Variants in TH observed in about 807,000 individuals in gnomAD.
TH encodes tyrosine hydroxylase.
In TH, 49 loss-of-function variants were observed where a neutral mutation model predicts 57.4. That is an observed-to-expected ratio of 0.85 (90% CI 0.68 to 1.08). TH has a LOEUF of 1.08. Ranked by LOEUF, TH falls within the 50% of genes least tolerant of loss-of-function variation. The probability of loss-of-function intolerance (pLI) is 0.00; values close to 1 mark genes in which losing one functional copy is unlikely to be tolerated. For missense variants in TH, 720 were observed against 696.7 expected (o/e 1.03, Z -0.38); for synonymous variants, 330 against 304.5 (o/e 1.08, Z -0.87).
chr11:2,165,913 G>C, intron 10 of TH, 89 bp downstream of exon 10: 1 of 1,505,596 alleles, frequency 6.6e-7, no homozygotes, highest in Non-Finnish European at 9.0e-7. Flanking sequence ...GGTGGAAGGA[G>C]AGGCCTCAGC....
intron 9 of TH, 99 bp downstream of exon 9, chr11:2,166,381 A>G: frequency 7.0e-7 from 1 of 1,434,886 alleles, no homozygotes; most frequent in East Asian, 2.5e-5. Context: ...GCCCGGGAGC[A>G]GGCAGCACAC....
At position 2,164,070 on chromosome 11, in the gene TH, C is replaced by T. The variant is rs1053737957; in HGVS notation, c.*163G>A. On this transcript the variant is annotated 3_prime_UTR_variant, in exon 13 of 13. Transcript: ENST00000352909. Reference sequence around the variant, plus strand: ...ACAGGCAGCACAACCTCACCACGGGCACACACAGCTGTTGCGCTGAGAAGC... The same window carrying T: ...ACAGGCAGCACAACCTCACCACGGGTACACACAGCTGTTGCGCTGAGAAGC... The T allele has an allele frequency of 6.9e-6, 4 of 578,746 alleles. No homozygotes were observed. Among genetic ancestry groups the T allele is most frequent in the African/African-American group, 3.9e-5 (2 of 51,560 alleles). 35.9% of individuals were successfully genotyped at this position (578,746 alleles called of 1,614,324 possible).
intron 5 of TH, 98 bp from the exon 6 acceptor site, chr11:2,167,583 G>A: frequency 2.9e-5 from 41 of 1,393,592 alleles, no homozygotes; most frequent in Non-Finnish European, 4.0e-5. Flanking sequence ...CACCCGCCTA[G>A]TGCAGCGAGG....
At chr11:2,168,238 C>T in intron 3 of TH, 59 bp from the exon 4 acceptor site, 1 of 1,570,114 alleles carries the variant, frequency 6.4e-7, no homozygotes, top group South Asian at 1.1e-5. Flanking sequence ...GCTGTGTCAC[C>T]CACCTTGAAG....
At chr11:2,165,609 C>A in intron 11 of TH, 59 bp downstream of exon 11, 1 of 1,573,632 alleles carries the variant, frequency 6.4e-7, no homozygotes, top group East Asian at 2.3e-5. Context: ...TGTCCCCTCC[C>A]TGCACCGTCC....
At position 2,165,270 on chromosome 11, in the gene TH, G is replaced by A. The variant is rs760210103; in HGVS notation, c.1296C>T (p.Phe432=). 2.6e-5 allele frequency: 42 copies of A among 1,612,898 alleles called. No individual in the cohort carries two copies. Among genetic ancestry groups the A allele is most frequent in the African/African-American group, 4.0e-5 (3 of 75,040 alleles). ...TGGCGTCACTGAAGCTCTCAGACAC[G>A]AAGTAGACTGACTGGTACGTCTGGT... The part of the protein sequence containing the change: ...YQDQTYQSVY[F]VSESFSDAKD... Residue 432 remains phenylalanine (F), a synonymous_variant, in exon 12 of 13, where the codon TTC becomes TTT. Coordinates refer to ENST00000352909, the MANE Select transcript of TH (RefSeq NM_000360.4).
At chr11:2,165,502 G>A (rs915433541) in intron 11 of TH, 137 bp from the exon 12 acceptor site, 12 of 1,422,290 alleles carry the variant, frequency 8.4e-6, no homozygotes, top group Middle Eastern at 2.2e-4. Context: ...CGGAGGCCTG[G>A]GATAATGTGG....
At chr11:2,168,298 G>A in intron 3 of TH, 119 bp from the exon 4 acceptor site, 1 of 1,367,620 alleles carries the variant, frequency 7.3e-7, no homozygotes. Context: ...GGGGCTGTGA[G>A]AGCTGCGGGG....
rs1846011449 is a variant in TH at position 2,164,136 on chromosome 11, G to A, written c.*97C>T. On this transcript the variant is annotated 3_prime_UTR_variant, in exon 13 of 13. Coordinates refer to ENST00000352909, the MANE Select transcript of TH (RefSeq NM_000360.4). ...GGGAGCCTGGCAGCAGGGAGGGCAT[G>A]GGGGGCACCCGGGACCCAGCCCCTC... The A allele has an allele frequency of 1.7e-6, 2 of 1,165,156 alleles. No homozygotes were observed. The highest frequency in any genetic ancestry group is 2.2e-6 in the Non-Finnish European group (2 of 900,018). The allele number at this position is 1,165,156 out of a possible 1,614,324, so 72.2% of individuals were successfully genotyped here.
chr11:2,166,521 C>T lies in TH; in HGVS notation c.1006G>A (p.Val336Met). The part of the protein sequence containing the change: ...PDCCHELLGH[V>M]PMLADRTFAQ... ...AAGGTGCGGTCGGCCAGCATGGGCA[C>T]GTGCCCCAGCAGCTCGTGGCAGCAG... The change falls in exon 9 of 13, where the codon GTG becomes ATG. Residue 336 changes from valine (V) to methionine (M), a missense_variant. Physicochemically the swap from Val to Met is conservative, Grantham distance 21. Transcript: ENST00000352909. The T allele has an allele frequency of 1.2e-6, 2 of 1,601,540 alleles. No individual in the cohort carries two copies. Among genetic ancestry groups the T allele is most frequent in the Non-Finnish European group, 1.7e-6 (2 of 1,177,250 alleles).
Position 2,166,766 on chromosome 11 carries a change from G to T in TH, c.844C>A (p.Arg282Ser), listed in dbSNP as rs1554923005. 1 of 1,548,902 alleles carries T rather than the reference G, an allele frequency of 6.5e-7. No homozygotes were observed. Among genetic ancestry groups the T allele is most frequent in the Non-Finnish European group, 8.7e-7 (1 of 1,146,458 alleles). Residue 282 changes from arginine (R) to serine (S), a missense_variant and splice_region_variant, in exon 8 of 13, where the codon CGC becomes AGC. Arg to Ser is a moderately radical substitution (Grantham distance 110). Transcript: ENST00000352909. ...LEDVSRFLKE[R>S]TGFQLRPVAG... ...ACAGGCCGCAGCTGGAAGCCCGTGC[G>T]CTCTGCAAGGGGCCACGCGGGTCAC...
At position 2,165,585 on chromosome 11, in the gene TH, T is replaced by A. The variant is rs74588395; in HGVS notation, c.1200+83A>T. 4.8e-3 allele frequency: 7,082 copies of A among 1,477,896 alleles called. 197 individuals carry two copies. In the African/African-American group the frequency reaches 0.072, roughly 15 times the overall value. 91.5% of individuals were successfully genotyped at this position (1,477,896 alleles called of 1,614,324 possible). ...CCTGGAGGTCCAGGCCTCAGTTTCC[T>A]CCCACTGGGAGCCTGTCCCCTCCCT... On this transcript the variant is annotated intron_variant, in intron 11 of 12. Coordinates refer to ENST00000352909, the MANE Select transcript of TH (RefSeq NM_000360.4).
chr11:2,164,291 A>T lies in TH; in HGVS notation c.1436T>A (p.Leu479Gln). ...LDSPQAVRRS[L>Q]EGVQDELDTL... ...GTCCAGCTCATCCTGGACACCCTCC[A>T]GGGAGCGCCGCACGGCCTGGGGGCT... The change falls in exon 13 of 13, where the codon CTG becomes CAG. Residue 479 changes from leucine (L) to glutamine (Q), a missense_variant. Physicochemically the swap from Leu to Gln is moderately radical, Grantham distance 113. Transcript: ENST00000352909. 6.6e-7 allele frequency: 1 copy of T among 1,510,888 alleles called. No individual in the cohort carries two copies. Among genetic ancestry groups the T allele is most frequent in the Non-Finnish European group, 8.9e-7 (1 of 1,126,178 alleles). The allele number at this position is 1,510,888 out of a possible 1,614,324, so 93.6% of individuals were successfully genotyped here. A position where few individuals can be genotyped will look rare whatever the true frequency, so the allele number is the denominator to read the frequency against.
chr11:2,167,392 C>T (rs903715632), intron 6 of TH, 43 bp downstream of exon 6: 42 of 1,548,420 alleles, frequency 2.7e-5, no homozygotes, highest in Admixed American at 5.9e-5. Context: ...CAGGAGGCAT[C>T]CCCCGGGCTC....
In TH at chr11:2,169,979, G is replaced by T. The variant is rs1320566427; in HGVS notation, c.91-108C>A. 3.4e-6 allele frequency: 4 copies of T among 1,166,360 alleles called. No homozygotes were observed. In the Admixed American group the frequency reaches 5.9e-5, roughly 17 times the overall value. The allele number at this position is 1,166,360 out of a possible 1,614,324, so 72.3% of individuals were successfully genotyped here. A position where few individuals can be genotyped will look rare whatever the true frequency, so the allele number is the denominator to read the frequency against. ...AGCGCTGATGGCACACAGAGGCAGGGGATGAGAGCACGTTTTTGAGCGCCT... is the reference window on the plus strand; with the variant it reads ...AGCGCTGATGGCACACAGAGGCAGGTGATGAGAGCACGTTTTTGAGCGCCT... On this transcript the variant is annotated intron_variant, in intron 1 of 12. Coordinates refer to ENST00000352909, the MANE Select transcript of TH (RefSeq NM_000360.4).
intron 10 of TH, 102 bp downstream of exon 10, chr11:2,165,900 G>T: frequency 6.7e-7 from 1 of 1,496,754 alleles, no homozygotes; most frequent in Non-Finnish European, 9.1e-7. Flanking sequence ...GTCACAATTC[G>T]TGGGTGGAAG....
chr11:2,166,439 G>T, intron 9 of TH, 41 bp downstream of exon 9: 1 of 1,539,658 alleles, frequency 6.5e-7, no homozygotes, highest in Non-Finnish European at 8.7e-7. Context: ...CGCCAAGCCA[G>T]CCCCTGGGTG....
Position 2,166,191 on chromosome 11 carries a change from C to T in TH, c.1048-133G>A, listed in dbSNP as rs533388318. ...CCTGGCGGCAGAGACCTTCCCTGGC[C>T]GCCCAGGATCCGCACCTCCACCGGG... On this transcript the variant is annotated intron_variant, in intron 9 of 12. Transcript: ENST00000352909. 67 of 1,071,576 alleles carry T rather than the reference C, an allele frequency of 6.3e-5. No individual in the cohort carries two copies. The African/African-American group carries it at 9.1e-4, about 15-fold the overall frequency. The allele number at this position is 1,071,576 out of a possible 1,614,324, so 66.4% of individuals were successfully genotyped here. A position where few individuals can be genotyped will look rare whatever the true frequency, so the allele number is the denominator to read the frequency against.
rs545863376 is a variant in TH, at chr11:2,171,441, C to T, written c.90+256G>A. On this transcript the variant is annotated intron_variant, in intron 1 of 12. Transcript: ENST00000352909. This position sits in a 1 kb window ranked among gnomAD's most constrained non-coding sequence, Gnocchi z 8.6. ...ATGAAACAAGACACAGAGACCCACACGACCCCCGAGAGAGGTCGGCCTAAG... is the reference window on the plus strand; with the variant it reads ...ATGAAACAAGACACAGAGACCCACATGACCCCCGAGAGAGGTCGGCCTAAG... Among the ~76,000 whole-genome samples, 11 of 151,560 alleles carry T rather than the reference C, an allele frequency of 7.3e-5. No individual in the cohort carries two copies. Among genetic ancestry groups the T allele is most frequent in the East Asian group, 3.9e-4 (2 of 5,108 alleles).
Sources: gnomAD v4.1 joint callset for allele counts (sites outside exome capture counted in the v4.1 genomes callset) on GRCh38, gnomAD v4.1.1 for gene constraint, Gnocchi (gnomAD v3.1) non-coding constraint, MANE v1.5 for transcripts, NCBI Gene and HGNC (gene_info 2026-07-23, HGNC 2026-07-21) for gene names.